The following FAM81A variants were observed in gnomAD, a reference collection of about 807,000 sequenced individuals.
The protein encoded by FAM81A is protein FAM81A.
In FAM81A, 19 loss-of-function variants were observed where a neutral mutation model predicts 46.7. The ratio of observed to expected loss-of-function variants is 0.41; its 90% CI spans 0.28 to 0.60. The LOEUF (loss-of-function observed/expected upper bound fraction) is 0.60, where lower values mean the gene tolerates loss of function less well. Ranked by LOEUF, FAM81A falls within the 20% of genes least tolerant of loss-of-function variation. The probability of loss-of-function intolerance (pLI) is 0.34; values close to 1 mark genes in which losing one functional copy is unlikely to be tolerated. For synonymous variants in FAM81A, 183 were observed against 152.9 expected, an observed-to-expected ratio of 1.20 and a Z score of -1.45; for missense variants, 377 against 453.5, an observed-to-expected ratio of 0.83 and a Z score of 1.53.
At chr15:59,409,126 C>T (rs1425503663) in intron 2 of FAM81A, 2 of 152,110 alleles carry the variant, frequency 1.3e-5, no homozygotes, top group Admixed American at 6.5e-5. Context: ...AAAGGGGAAG[C>T]GAGGAAGATG....
At chr15:59,475,913 G>A (rs955845527) in intron 3 of FAM81A, among the ~76,000 whole-genome samples, 2 of 152,134 alleles carry the variant, frequency 1.3e-5, no homozygotes, top group African/African-American at 4.8e-5. Flanking sequence ...GATTGTCTTA[G>A]TTTAGGCTGC....
chr15:59,420,647 G>T (rs983904980), intron 2 of FAM81A, among the ~76,000 whole-genome samples: 1 of 152,088 alleles, frequency 6.6e-6, no homozygotes, highest in Non-Finnish European at 1.5e-5. Flanking sequence ...TTTAATGACA[G>T]GGTTCCTACC....
Position 59,521,480 on chromosome 15 carries a change from A to G in FAM81A, c.*102A>G. On this transcript the variant is annotated 3_prime_UTR_variant, in exon 9 of 9. Transcript: ENST00000288228. ...CGCTGCATTCAGGATTGTTCCATCCATGGCGTGCATGTGCCAAGAAATGTG... is the reference window on the plus strand; with the variant it reads ...CGCTGCATTCAGGATTGTTCCATCCGTGGCGTGCATGTGCCAAGAAATGTG... 1 of 1,349,882 alleles carries G rather than the reference A, an allele frequency of 7.4e-7. No homozygotes were observed. The highest frequency in any genetic ancestry group is 9.8e-7 in the Non-Finnish European group (1 of 1,020,728). 83.6% of individuals were successfully genotyped at this position (1,349,882 alleles called of 1,614,324 possible). A position where few individuals can be genotyped will look rare whatever the true frequency, so the allele number is the denominator to read the frequency against.
chr15:59,491,372 A>G (rs748496912), intron 3 of FAM81A, among the ~76,000 whole-genome samples: 16 of 152,200 alleles, frequency 1.1e-4, no homozygotes, highest in Non-Finnish European at 2.2e-4. Flanking sequence ...AATTAAAACA[A>G]TTGAACTCAC....
chr15:59,402,181 GTGTTAC>G (rs1425994976), intron 1 of FAM81A: 1 of 217,826 alleles, frequency 4.6e-6, no homozygotes, highest in Admixed American at 5.6e-5. Flanking sequence ...TCTATCCCAC[GTGTTAC>G]TGATCAGCCG....
intron 2 of FAM81A, among the ~76,000 whole-genome samples, chr15:59,419,808 A>G (rs1263971539): frequency 6.6e-6 from 1 of 151,772 alleles, no homozygotes; most frequent in Non-Finnish European, 1.5e-5. Context: ...TCACTCCTGG[A>G]GCTGGATTGC....
intron 3 of FAM81A, among the ~76,000 whole-genome samples, chr15:59,476,844 G>A (rs1449301225): frequency 2.0e-5 from 3 of 151,340 alleles, no homozygotes; most frequent in African/African-American, 2.4e-5. Context: ...ATACTTGGCC[G>A]GGCGTGGTGG....
intron 6 of FAM81A, among the ~76,000 whole-genome samples, chr15:59,512,676 C>T (rs1210104577): frequency 6.6e-6 from 1 of 152,014 alleles, no homozygotes; most frequent in Non-Finnish European, 1.5e-5. Flanking sequence ...CGGTTGTGTA[C>T]TTAGGGTACA....
chr15:59,398,142 CT>C (rs1246448989), intron 1 of FAM81A, among the ~76,000 whole-genome samples: 2 of 152,146 alleles, frequency 1.3e-5, no homozygotes, highest in African/African-American at 4.8e-5. Flanking sequence ...GGATAACTGG[CT>C]TTCTGGTTCC....
At chr15:59,431,532 CTT>C (rs528145205) in intron 2 of FAM81A, among the ~76,000 whole-genome samples, 20 of 135,432 alleles carry the variant, frequency 1.5e-4, no homozygotes, top group Non-Finnish European at 1.8e-4. Flanking sequence ...TGCAACCAGC[CTT>C]TTTTTTTTTT....
chr15:59,505,185 C>T (rs1311768150), intron 4 of FAM81A, among the ~76,000 whole-genome samples: 5 of 152,050 alleles, frequency 3.3e-5, no homozygotes, highest in Admixed American at 3.3e-4. Flanking sequence ...TCATTGAAGC[C>T]ACTGATTCTA....
intron 4 of FAM81A, among the ~76,000 whole-genome samples, chr15:59,499,863 T>TC (rs2082073270): frequency 6.6e-6 from 1 of 151,692 alleles, no homozygotes; most frequent in Non-Finnish European, 1.5e-5. Flanking sequence ...ATTTTCATTT[T>TC]TTTTTTTTTT....
At chr15:59,472,591 G>A (rs1299567790) in intron 3 of FAM81A, among the ~76,000 whole-genome samples, 2 of 151,510 alleles carry the variant, frequency 1.3e-5, no homozygotes, top group Admixed American at 6.6e-5. Context: ...TTCTGGAGAC[G>A]GGGTCTGGCT....
Position 59,459,915 on chromosome 15 carries a change from C to T in FAM81A, c.21-18C>T, listed in dbSNP as rs1343652717. The stretch of plus-strand genomic sequence containing the variant: ...TTATTTTTTCCCAATTAACAACCCT[C>T]ATGGTTCCCTTCTGCAGGCGAGTGA... On this transcript the variant is annotated intron_variant, in intron 2 of 8. Transcript: ENST00000288228. 1 of 1,574,166 alleles carries T rather than the reference C, an allele frequency of 6.4e-7. No individual in the cohort carries two copies.
At chr15:59,438,546 CTGTT>C (rs1443956467) in intron 1 of FAM81A, 1 of 152,256 alleles carries the variant, frequency 6.6e-6, no homozygotes, top group Admixed American at 6.5e-5. Flanking sequence ...CCCGGAGGGA[CTGTT>C]TGGGGGAGCT....
At chr15:59,426,512 T>C (rs752736223) in intron 2 of FAM81A, among the ~76,000 whole-genome samples, 3 of 152,216 alleles carry the variant, frequency 2.0e-5, no homozygotes, top group African/African-American at 7.2e-5. Context: ...ACTGGGAGGC[T>C]GAGGCAGGAG....
Position 59,418,617 on chromosome 15 carries a change from A to G in FAM81A, c.-78+16259A>G, listed in dbSNP as rs77244436. On this transcript the variant is annotated intron_variant, in intron 2 of 4. Coordinates refer to the FAM81A transcript ENST00000558348. ...ATTTTTTCCTCCCAATTTGTTGTTC[A>G]TGTTACCCAGGCATGGTAGGAAAAA... Among the ~76,000 whole-genome samples the G allele has an allele frequency of 8.8e-3, 1,334 of 152,276 alleles. 23 individuals are homozygous for G. The highest frequency in any genetic ancestry group is 0.03 in the African/African-American group (1,242 of 41,550).
In FAM81A at chr15:59,428,621, CTTT is replaced by C. The variant is rs1206186244; in HGVS notation, c.-78+26288_-78+26290del. ...CTACTACCTAGATCCATGTCTACTCCTTTTTTTTTTTTTTTTTTTTTTTTTTTG... is the reference window on the plus strand; with the variant it reads ...CTACTACCTAGATCCATGTCTACTCCTTTTTTTTTTTTTTTTTTTTTTTTG... On this transcript the variant is annotated intron_variant, in intron 2 of 4. Coordinates refer to the FAM81A transcript ENST00000558348. Among the ~76,000 whole-genome samples, 5 of 70,286 alleles carry C rather than the reference CTTT, an allele frequency of 7.1e-5. No individual in the cohort carries two copies. The South Asian group carries it at 2.2e-3, about 31-fold the overall frequency. The allele number at this position is 70,286 out of a possible 152,430, so 46.1% of individuals were successfully genotyped here. A position where few individuals can be genotyped will look rare whatever the true frequency, so the allele number is the denominator to read the frequency against.
intron 2 of FAM81A, among the ~76,000 whole-genome samples, chr15:59,405,347 C>A (rs16941421): frequency 6.6e-6 from 1 of 151,810 alleles, no homozygotes; most frequent in Non-Finnish European, 1.5e-5. Context: ...TGCCTCTTTC[C>A]GCTAAGAATT....
Sources: allele counts gnomAD v4.1 joint callset (sites outside exome capture counted in the v4.1 genomes callset), GRCh38; gene constraint gnomAD v4.1.1; transcripts MANE v1.5; gene names NCBI Gene and HGNC (gene_info 2026-07-23, HGNC 2026-07-21).